The following RABGAP1L variants were observed in gnomAD, a reference collection of about 807,000 sequenced individuals.
RABGAP1L encodes the protein rab GTPase-activating protein 1-like.
RABGAP1L carries 63 observed loss-of-function variants against 137.7 expected under a neutral mutation model. The observed-to-expected ratio is 0.46, with a 90% CI of 0.37 to 0.56. The LOEUF is 0.56. Ranked by LOEUF, RABGAP1L falls within the 20% of genes least tolerant of loss-of-function variation. The pLI, the probability that RABGAP1L is intolerant of heterozygous loss-of-function variation, is 0.00. For missense variants in RABGAP1L, 1,095 were observed against 1,244.0 expected (o/e 0.88, Z 1.80); for synonymous variants, 431 against 433.7 (o/e 0.99, Z 0.08).
chr1:174,267,636 GA>G (rs959238863), intron 7 of RABGAP1L, among the ~76,000 whole-genome samples: 1 of 152,094 alleles, frequency 6.6e-6, no homozygotes. Context: ...TGCCAAGATA[GA>G]AAAAATACTT....
chr1:174,679,732 T>C (rs1677907414), intron 14 of RABGAP1L, among the ~76,000 whole-genome samples: 1 of 152,240 alleles, frequency 6.6e-6, no homozygotes, highest in African/African-American at 2.4e-5. Flanking sequence ...TGTTAGACTC[T>C]ATATTGTGAA....
chr1:174,434,816 T>A (rs531099561), intron 13 of RABGAP1L, among the ~76,000 whole-genome samples: 62 of 152,324 alleles, frequency 4.1e-4, no homozygotes, highest in African/African-American at 1.5e-3. Flanking sequence ...TTTCACCATT[T>A]TAATTGGATT....
intron 21 of RABGAP1L, among the ~76,000 whole-genome samples, chr1:174,974,741 G>T (rs1309419499): frequency 6.6e-6 from 1 of 152,224 alleles, no homozygotes; most frequent in Non-Finnish European, 1.5e-5. Context: ...AGAAGACAGG[G>T]CAAGCAGAGC....
At chr1:174,622,820 G>A (rs552702695) in intron 13 of RABGAP1L, among the ~76,000 whole-genome samples, 56 of 152,200 alleles carry the variant, frequency 3.7e-4, no homozygotes, top group Admixed American at 5.9e-4. Flanking sequence ...TAACCTGCAC[G>A]TTGTGCACAT....
At chr1:174,544,303 C>T (rs1263152725) in intron 13 of RABGAP1L, among the ~76,000 whole-genome samples, 1 of 152,028 alleles carries the variant, frequency 6.6e-6, no homozygotes, top group South Asian at 2.1e-4. Context: ...TCTTTTTACT[C>T]TTTTTTTCTC....
In RABGAP1L at chr1:174,448,196, C is replaced by T. The variant is rs774544035; in HGVS notation, c.1710+54051C>T. ...TGTGTCCGAGCGTCACTCCTGCCCA[C>T]TTGGATTTGGCCACTACAGTGTGGT... is the stretch of plus-strand genomic sequence containing the variant. On this transcript the variant is annotated intron_variant, in intron 13 of 25. Coordinates refer to ENST00000681986, the MANE Select transcript of RABGAP1L (RefSeq NM_001366446.1). The surrounding 1 kb of genome is among the most constrained non-coding windows in gnomAD (Gnocchi z 4.2). 9.3e-6 allele frequency: 15 copies of T among 1,613,794 alleles called. No homozygotes were observed. Among genetic ancestry groups the T allele is most frequent in the Non-Finnish European group, 1.2e-5 (14 of 1,179,866 alleles).
At chr1:174,409,353 C>G (rs1649639533) in intron 13 of RABGAP1L, among the ~76,000 whole-genome samples, 2 of 152,176 alleles carry the variant, frequency 1.3e-5, no homozygotes. Context: ...ATTTCTTACA[C>G]CTGTCTTACT....
chr1:174,702,701 G>T (rs1679749547), intron 17 of RABGAP1L, among the ~76,000 whole-genome samples: 1 of 152,062 alleles, frequency 6.6e-6, no homozygotes, highest in South Asian at 2.1e-4. Context: ...TGGGACTGCT[G>T]CGAAATGATG....
intron 12 of RABGAP1L, among the ~76,000 whole-genome samples, chr1:174,381,312 G>A (rs1443270458): frequency 6.8e-6 from 1 of 146,314 alleles, no homozygotes; most frequent in Non-Finnish European, 1.5e-5. Flanking sequence ...GGTCCACTTG[G>A]TGCAGAGCTG....
chr1:174,873,354 C>T (rs943415735), intron 19 of RABGAP1L, among the ~76,000 whole-genome samples: 1 of 151,986 alleles, frequency 6.6e-6, no homozygotes, highest in African/African-American at 2.4e-5. Context: ...CAGGCATGAG[C>T]CACCGTGCCT....
chr1:174,686,077 TA>T lies in RABGAP1L; in HGVS notation c.1899+2485del, dbSNP rs531648305. 6.3e-3 allele frequency among the ~76,000 whole-genome samples: 953 copies of T among 152,256 alleles called. 7 individuals are homozygous for T. The highest frequency in any genetic ancestry group is 0.011 in the Non-Finnish European group (740 of 68,002). Reference sequence around the variant, plus strand: ...AACATTTGAAGGGCTGATGCGGAAGTAAAATCCTTAAAGAAGTTCGGATTCT... The same window carrying T: ...AACATTTGAAGGGCTGATGCGGAAGTAAATCCTTAAAGAAGTTCGGATTCT... On this transcript the variant is annotated intron_variant, in intron 15 of 25. Transcript: ENST00000681986.
chr1:174,569,138 T>C (rs1297966931), intron 13 of RABGAP1L, among the ~76,000 whole-genome samples: 5 of 152,206 alleles, frequency 3.3e-5, no homozygotes, highest in Non-Finnish European at 5.9e-5. Context: ...TTCTCACCTT[T>C]TCCCCATACT....
chr1:174,560,059 G>A (rs962716924), intron 13 of RABGAP1L, among the ~76,000 whole-genome samples: 1 of 151,998 alleles, frequency 6.6e-6, no homozygotes, highest in Non-Finnish European at 1.5e-5. Flanking sequence ...GCTTCAGCCC[G>A]GGAGGCAGAG....
At position 174,858,973 on chromosome 1, in the gene RABGAP1L, G is replaced by T. The variant is rs1278748167; in HGVS notation, c.2340+47013G>T. Among the ~76,000 whole-genome samples the T allele has an allele frequency of 1.3e-5, 2 of 152,194 alleles. 1 individual carries two copies. The highest frequency in any genetic ancestry group is 4.8e-5 in the African/African-American group (2 of 41,454). On this transcript the variant is annotated intron_variant, in intron 19 of 25. Transcript: ENST00000681986. Reference sequence around the variant, plus strand: ...ACACTGTTGATGGGAGTGTAAATTAGTTCAACCATTGTGGAAAAGATAGTG... The same window carrying T: ...ACACTGTTGATGGGAGTGTAAATTATTTCAACCATTGTGGAAAAGATAGTG...
intron 20 of RABGAP1L, among the ~76,000 whole-genome samples, chr1:174,963,057 C>G (rs1669307122): frequency 6.6e-6 from 1 of 152,028 alleles, no homozygotes; most frequent in Admixed American, 6.6e-5. Context: ...AGAGATCGTG[C>G]CACTGGACTC....
At chr1:174,281,327 G>T (rs1284891706) in intron 10 of RABGAP1L, among the ~76,000 whole-genome samples, 1 of 152,124 alleles carries the variant, frequency 6.6e-6, no homozygotes, top group African/African-American at 2.4e-5. Context: ...CCATTTTACA[G>T]AGTGCTGATT....
At chr1:174,708,606 TC>T (rs1385407100) in intron 17 of RABGAP1L, among the ~76,000 whole-genome samples, 1 of 152,104 alleles carries the variant, frequency 6.6e-6, no homozygotes. Context: ...GACAGTGCTA[TC>T]CAGCCCAGAT....
intron 13 of RABGAP1L, among the ~76,000 whole-genome samples, chr1:174,511,702 A>G (rs1164500667): frequency 6.6e-6 from 1 of 151,018 alleles, no homozygotes; most frequent in African/African-American, 2.4e-5. Flanking sequence ...GGCTCACCAC[A>G]ACCTCCGCCT....
In RABGAP1L at chr1:174,888,020, GA is replaced by G. The variant is rs748713886; in HGVS notation, c.2341-69436del. ...CCACTGCACTCCAGCCTGGGGGACA[GA>G]GCGAGACTTCATATCAAAAGAAAAA... On this transcript the variant is annotated intron_variant, in intron 19 of 25. Coordinates refer to ENST00000681986, the MANE Select transcript of RABGAP1L (RefSeq NM_001366446.1). 5.9e-5 allele frequency among the ~76,000 whole-genome samples: 9 copies of G among 151,900 alleles called. No homozygotes were observed. The Middle Eastern group carries it at 0.01, about 173-fold the overall frequency.
Sources: gnomAD v4.1 joint callset for allele counts (sites outside exome capture counted in the v4.1 genomes callset) on GRCh38, gnomAD v4.1.1 for gene constraint, Gnocchi (gnomAD v3.1) non-coding constraint, MANE v1.5 for transcripts, NCBI Gene and HGNC (gene_info 2026-07-23, HGNC 2026-07-21) for gene names.